GANC: variants seen among roughly 807,000 people sequenced by gnomAD.
GANC encodes the protein neutral alpha-glucosidase C.
Under a neutral mutation model 124.2 loss-of-function variants are expected in GANC, and 117 were observed. The ratio of observed to expected loss-of-function variants is 0.94; its 90% CI spans 0.81 to 1.10. GANC has a LOEUF of 1.10. Ranked by LOEUF, GANC falls within the 50% of genes least tolerant of loss-of-function variation. GANC has a pLI of 0.00. For missense variants in GANC, 1,140 were observed against 1,095.0 expected, an observed-to-expected ratio of 1.04 and a Z score of -0.58; for synonymous variants, 377 against 376.8, an observed-to-expected ratio of 1.00 and a Z score of -0.01.
chr15:42,319,986 C>A (rs111500718), intron 10 of GANC, among the ~76,000 whole-genome samples: 13,708 of 152,064 alleles, frequency 0.09, 1,976 homozygotes, highest in African/African-American at 0.3. Flanking sequence ...GAGTTTGAGA[C>A]CAGCTTGGTC....
rs918166771 is a variant in GANC at position 42,352,851 on chromosome 15, A to C, written c.*712A>C. 135 of 567,232 alleles carry C rather than the reference A, an allele frequency of 2.4e-4. No homozygotes were observed. The African/African-American group carries it at 2.6e-3, about 11-fold the overall frequency. 35.1% of individuals were successfully genotyped at this position (567,232 alleles called of 1,614,324 possible). A position where few individuals can be genotyped will look rare whatever the true frequency, so the allele number is the denominator to read the frequency against. ...AAGCTATAATTAATAACAATGAAATAAATACCCATGTACCCACCACTGGAC... is the reference window on the plus strand; with the variant it reads ...AAGCTATAATTAATAACAATGAAATCAATACCCATGTACCCACCACTGGAC... On this transcript the variant is annotated 3_prime_UTR_variant, in exon 24 of 24. Coordinates refer to ENST00000318010, the MANE Select transcript of GANC (RefSeq NM_198141.3).
intron 4 of GANC, among the ~76,000 whole-genome samples, chr15:42,291,546 G>A (rs2051842268): frequency 6.6e-6 from 1 of 152,174 alleles, no homozygotes; most frequent in Non-Finnish European, 1.5e-5. Context: ...AAACTGATGA[G>A]GGAGCACTTG....
At chr15:42,299,680 G>A (rs146658032) in intron 6 of GANC, among the ~76,000 whole-genome samples, 2,539 of 152,228 alleles carry the variant, frequency 0.017, 72 homozygotes, top group African/African-American at 0.059. Flanking sequence ...AGATCTGGAG[G>A]CATCACATTA....
chr15:42,285,154 T>A (rs1379840138), intron 3 of GANC, among the ~76,000 whole-genome samples: 1 of 152,202 alleles, frequency 6.6e-6, no homozygotes, highest in Non-Finnish European at 1.5e-5. Flanking sequence ...AATATAACAG[T>A]CATGTCCAAA....
At chr15:42,332,304 G>C (rs2052252414) in intron 15 of GANC, among the ~76,000 whole-genome samples, 1 of 151,924 alleles carries the variant, frequency 6.6e-6, no homozygotes, top group African/African-American at 2.4e-5. Flanking sequence ...TTTACAAATT[G>C]TCTACAAGTA....
chr15:42,348,696 G>A (rs112573543), intron 21 of GANC, among the ~76,000 whole-genome samples: 13,099 of 152,294 alleles, frequency 0.086, 653 homozygotes, highest in South Asian at 0.18. Flanking sequence ...TTTAAGCCTA[G>A]TGAGGCCTGT....
chr15:42,323,586 T>TC (rs2052177905), intron 11 of GANC, among the ~76,000 whole-genome samples: 1 of 152,144 alleles, frequency 6.6e-6, no homozygotes, highest in Non-Finnish European at 1.5e-5. Flanking sequence ...CATTGCATCC[T>TC]CCATCTCCTG....
chr15:42,297,709 T>C (rs2051904918), intron 6 of GANC, 53 bp downstream of exon 6: 1 of 1,291,474 alleles, frequency 7.7e-7, no homozygotes, highest in Admixed American at 1.8e-5. Context: ...ATCATCATGA[T>C]AGGGCATATA....
chr15:42,301,713 C>T (rs1174966705), intron 6 of GANC, among the ~76,000 whole-genome samples: 2 of 152,216 alleles, frequency 1.3e-5, no homozygotes, highest in African/African-American at 4.8e-5. Context: ...CGGTTTTCCC[C>T]TCACAGTCTA....
intron 6 of GANC, among the ~76,000 whole-genome samples, chr15:42,299,781 G>T (rs2051928563): frequency 6.6e-6 from 1 of 152,154 alleles, no homozygotes; most frequent in African/African-American, 2.4e-5. Flanking sequence ...GAACAGAACA[G>T]AGACCTCAGA....
At chr15:42,347,186 AAAAAAGAAG>A (rs1372247716) in intron 20 of GANC, among the ~76,000 whole-genome samples, 1 of 124,164 alleles carries the variant, frequency 8.1e-6, no homozygotes, top group African/African-American at 3.2e-5. Flanking sequence ...AAAAAAAAAA[AAAAAAGAAG>A]AGAGAGATTG....
intron 6 of GANC, among the ~76,000 whole-genome samples, chr15:42,305,600 A>G (rs2051987615): frequency 6.6e-6 from 1 of 152,230 alleles, no homozygotes; most frequent in Non-Finnish European, 1.5e-5. Flanking sequence ...TACTGGGTAT[A>G]TTTCTAAAGA....
chr15:42,281,369 G>A (rs1760332292), intron 3 of GANC, among the ~76,000 whole-genome samples: 1 of 152,124 alleles, frequency 6.6e-6, no homozygotes, highest in African/African-American at 2.4e-5. Context: ...CATCTTATAT[G>A]CAGCTCATTG....
intron 2 of GANC, among the ~76,000 whole-genome samples, chr15:42,276,962 A>G: frequency 6.6e-6 from 1 of 152,138 alleles, no homozygotes; most frequent in Non-Finnish European, 1.5e-5. Flanking sequence ...TTACAGCTGC[A>G]TAATATTCCA....
intron 19 of GANC, among the ~76,000 whole-genome samples, chr15:42,343,585 G>T (rs1011873204): frequency 2.6e-5 from 4 of 152,026 alleles, no homozygotes; most frequent in Admixed American, 2.6e-4. Context: ...CACTGAAGTG[G>T]GTAAAAAGTA....
At chr15:42,274,549 T>A in intron 1 of GANC, 39 bp downstream of exon 1, 2 of 1,581,730 alleles carry the variant, frequency 1.3e-6, no homozygotes, top group Non-Finnish European at 1.7e-6. Context: ...GACCCCAGGG[T>A]CCCTAGAAAC....
chr15:42,315,505 G>A (rs985900099), intron 10 of GANC, among the ~76,000 whole-genome samples: 4 of 152,198 alleles, frequency 2.6e-5, no homozygotes, highest in Admixed American at 6.5e-5. Flanking sequence ...AAGTGTTTAC[G>A]AGGATGCAGA....
intron 15 of GANC, among the ~76,000 whole-genome samples, chr15:42,337,286 A>G (rs1011735250): frequency 7.2e-5 from 11 of 152,368 alleles, no homozygotes; most frequent in African/African-American, 1.9e-4. Flanking sequence ...CGTATACACC[A>G]TGGAATACTA....
intron 15 of GANC, among the ~76,000 whole-genome samples, chr15:42,336,211 A>G (rs1337527326): frequency 6.6e-6 from 1 of 152,184 alleles, no homozygotes; most frequent in African/African-American, 2.4e-5. Flanking sequence ...AGCAGGAGGC[A>G]ATATGCTACC....
Sources: gnomAD v4.1 joint callset for allele counts (sites outside exome capture counted in the v4.1 genomes callset) on GRCh38, gnomAD v4.1.1 for gene constraint, MANE v1.5 for transcripts, NCBI Gene and HGNC (gene_info 2026-07-23, HGNC 2026-07-21) for gene names.